The following UTRN variants were observed in gnomAD, a reference collection of about 807,000 sequenced individuals.
UTRN encodes the protein dystrophin-related protein 1.
In UTRN, 283 loss-of-function variants were observed where a neutral mutation model predicts 463.9. The observed-to-expected ratio is 0.61, with a 90% confidence interval of 0.55 to 0.67. The LOEUF (loss-of-function observed/expected upper bound fraction) is 0.67. UTRN is among the 30% of genes least tolerant of loss of function. The pLI is 0.00. For missense variants in UTRN, 3,922 were observed against 4,084.3 expected (o/e 0.96, Z 1.08); for synonymous variants, 1,442 against 1,431.5 (o/e 1.01, Z -0.17).
chr6:144,616,633 G>A (rs1276608085), intron 51 of UTRN, among the ~76,000 whole-genome samples: 1 of 151,674 alleles, frequency 6.6e-6, no homozygotes, highest in Non-Finnish European at 1.5e-5. Context: ...ATCTTTGGTA[G>A]CCTTTTACTT....
intron 51 of UTRN, among the ~76,000 whole-genome samples, chr6:144,633,254 G>A (rs1776725928): frequency 6.9e-6 from 1 of 145,972 alleles, no homozygotes; most frequent in African/African-American, 2.6e-5. Flanking sequence ...TCCTGAGACG[G>A]AGTCTTGCTC....
intron 53 of UTRN, among the ~76,000 whole-genome samples, chr6:144,728,364 A>G (rs973942818): frequency 6.6e-6 from 1 of 152,090 alleles, no homozygotes; most frequent in African/African-American, 2.4e-5. Context: ...GAACTGGCTC[A>G]AGACTTGTAA....
intron 51 of UTRN, among the ~76,000 whole-genome samples, chr6:144,650,918 T>G (rs1009531312): frequency 1.3e-5 from 2 of 151,816 alleles, no homozygotes; most frequent in East Asian, 3.9e-4. Flanking sequence ...CAAATAATAA[T>G]AATAATAATA....
chr6:144,349,290 G>A (rs968850129), intron 2 of UTRN, among the ~76,000 whole-genome samples: 4 of 152,214 alleles, frequency 2.6e-5, no homozygotes, highest in Non-Finnish European at 4.4e-5. Context: ...TTACAGGCAT[G>A]AGCCACGGCG....
intron 73 of UTRN, 78 bp downstream of exon 73, chr6:144,840,910 TCTTC>T: frequency 6.7e-7 from 1 of 1,492,020 alleles, no homozygotes; most frequent in South Asian, 1.2e-5. Flanking sequence ...CCCTTCGCCT[TCTTC>T]CTTAAGATAA....
intron 51 of UTRN, among the ~76,000 whole-genome samples, chr6:144,627,905 T>A (rs1776115265): frequency 6.6e-6 from 1 of 151,252 alleles, no homozygotes; most frequent in African/African-American, 2.4e-5. Context: ...GTTCAAGCGA[T>A]TCTCCTGCCT....
chr6:144,380,037 C>A (rs1240751679), intron 2 of UTRN, among the ~76,000 whole-genome samples: 1 of 152,098 alleles, frequency 6.6e-6, no homozygotes, highest in Non-Finnish European at 1.5e-5. Context: ...AGAATTTATT[C>A]TCTGAATGAA....
At chr6:144,411,298 C>A (rs112044436) in intron 3 of UTRN, among the ~76,000 whole-genome samples, 18,384 of 152,162 alleles carry the variant, frequency 0.12, 1,236 homozygotes, top group East Asian at 0.23. Flanking sequence ...ATTTGCATTT[C>A]CCTGATCATT....
At chr6:144,485,256 C>T (rs1792317453) in intron 27 of UTRN, 129 bp from the exon 28 acceptor site, 1 of 1,355,038 alleles carries the variant, frequency 7.4e-7, no homozygotes, top group African/African-American at 1.5e-5. Flanking sequence ...GTTTCAACTC[C>T]ATCAGTTCTG....
At chr6:144,596,339 A>C (rs957677888) in intron 51 of UTRN, among the ~76,000 whole-genome samples, 15 of 152,290 alleles carry the variant, frequency 9.8e-5, no homozygotes, top group Middle Eastern at 3.4e-3. Context: ...CAAACAGGGC[A>C]GTGAGAGTAG....
Position 144,453,863 on chromosome 6 carries a change from G to A in UTRN, c.2278G>A (p.Gly760Arg). The change falls in exon 19 of 75, where the codon GGA (glycine) becomes AGA (arginine). Residue 760 changes from glycine (G) to arginine (R), a missense_variant. By Grantham distance (125) the Gly-to-Arg change is moderately radical. Transcript: ENST00000367545. ...QTGQILVEQM[G>R]KEGLPTEEIK... ...TGGACAAATCCTTGTGGAGCAAATG[G>A]GAAAAGGTAAGATCCTTGATTTTTT... 1 of 1,612,614 alleles carries A rather than the reference G, an allele frequency of 6.2e-7. No homozygotes were observed. Among genetic ancestry groups the A allele is most frequent in the South Asian group, 1.1e-5 (1 of 90,904 alleles).
chr6:144,349,884 G>A (rs80074296), intron 2 of UTRN, among the ~76,000 whole-genome samples: 2,032 of 152,258 alleles, frequency 0.013, 44 homozygotes, highest in African/African-American at 0.047. Context: ...TGGACACAGC[G>A]ACTCCCTCGC....
chr6:144,786,896 AATCATGTCT>A (rs947495565), intron 61 of UTRN, among the ~76,000 whole-genome samples: 10 of 152,138 alleles, frequency 6.6e-5, no homozygotes, highest in African/African-American at 2.4e-4. Context: ...TCGGGGTAGG[AATCATGTCT>A]TCTGCTTTTC....
Position 144,444,369 on chromosome 6 carries a change from T to C in UTRN, c.1601T>C (p.Leu534Ser), listed in dbSNP as rs1442911561. 6.2e-7 allele frequency: 1 copy of C among 1,608,640 alleles called. No homozygotes were observed. Among genetic ancestry groups the C allele is most frequent in the Non-Finnish European group, 8.5e-7 (1 of 1,176,834 alleles). ...LQEINILWQE[L>S]LEEQCLLKAW... ...GAAATCAATATATTGTGGCAGGAAT[T>C]ATTGGAAGAACAGGTATGAAACTGT... The change falls in exon 14 of 75, where the codon TTA (leucine) becomes TCA (serine). Residue 534 changes from leucine (L) to serine (S), a missense_variant. By Grantham distance (145) the Leu-to-Ser change is moderately radical. This residue lies in a region of UTRN where 2,349 missense variants were observed against 2,303.8 expected (regional missense o/e 1.02). Transcript: ENST00000367545.
intron 36 of UTRN, 53 bp from the exon 37 acceptor site, chr6:144,514,597 A>C: frequency 6.4e-7 from 1 of 1,572,836 alleles, no homozygotes; most frequent in Non-Finnish European, 8.7e-7. Flanking sequence ...CATCACACTC[A>C]TGTTTGGGTT....
chr6:144,579,773 C>T (rs1997252), intron 51 of UTRN, among the ~76,000 whole-genome samples: 21,692 of 152,048 alleles, frequency 0.14, 2,818 homozygotes, highest in East Asian at 0.53. Context: ...TAAAAATAGT[C>T]TCTTTTGGCT....
chr6:144,649,055 C>T (rs1778547437), intron 51 of UTRN, among the ~76,000 whole-genome samples: 2 of 152,030 alleles, frequency 1.3e-5, no homozygotes, highest in Non-Finnish European at 2.9e-5. Flanking sequence ...AACAGTACAG[C>T]ATAATGGAGA....
intron 52 of UTRN, among the ~76,000 whole-genome samples, chr6:144,688,564 T>C (rs1312465278): frequency 6.6e-6 from 1 of 151,650 alleles, no homozygotes; most frequent in Non-Finnish European, 1.5e-5. Context: ...TCTTTTTCTC[T>C]CCTTGAGGAT....
In UTRN at chr6:144,548,712, C is replaced by G; in HGVS notation, c.6668C>G (p.Ser2223Trp). Reference sequence around the variant, plus strand: ...ATTCCTGTTCAGTCTCATCGTACTTCGGAAATTTCAATTCCTGCTGATCTT... The same window carrying G: ...ATTCCTGTTCAGTCTCATCGTACTTGGGAAATTTCAATTCCTGCTGATCTT... ...SDIPVQSHRT[S>W]EISIPADLDK... The change falls in exon 47 of 75, where the codon TCG (serine) becomes TGG (tryptophan). Residue 2223 changes from serine (S) to tryptophan (W), a missense_variant. Ser to Trp is a radical substitution (Grantham distance 177). Coordinates refer to ENST00000367545, the MANE Select transcript of UTRN (RefSeq NM_007124.3). 2 of 1,614,026 alleles carry G rather than the reference C, an allele frequency of 1.2e-6. No individual in the cohort carries two copies. Among genetic ancestry groups the G allele is most frequent in the Non-Finnish European group, 1.7e-6 (2 of 1,179,970 alleles).
Sources: allele counts gnomAD v4.1 joint callset (sites outside exome capture counted in the v4.1 genomes callset), GRCh38; gene constraint gnomAD v4.1.1; regional missense constraint gnomAD v4.1.1; transcripts MANE v1.5; gene names NCBI Gene and HGNC (gene_info 2026-07-23, HGNC 2026-07-21).